CDK5RAP2: variants seen among roughly 807,000 people sequenced by gnomAD.
CDK5RAP2 encodes the protein CDK5 regulatory subunit-associated protein 2.
In CDK5RAP2, 147 loss-of-function variants were observed where a neutral mutation model predicts 232.9. The ratio of observed to expected loss-of-function variants is 0.63; its 90% CI spans 0.55 to 0.72. CDK5RAP2 has a LOEUF of 0.72. Ranked by LOEUF, CDK5RAP2 falls within the 30% of genes least tolerant of loss-of-function variation. The pLI, the probability that CDK5RAP2 is intolerant of heterozygous loss-of-function variation, is 0.00. For missense variants in CDK5RAP2, 2,195 were observed against 2,231.5 expected (o/e 0.98, Z 0.33); for synonymous variants, 833 against 833.7 (o/e 1.00, Z 0.01).
intron 25 of CDK5RAP2, among the ~76,000 whole-genome samples, chr9:120,431,128 G>C (rs1364364224): frequency 6.6e-6 from 1 of 152,094 alleles, no homozygotes; most frequent in African/African-American, 2.4e-5. Context: ...GAGGGGAAGG[G>C]GGAGGGATAG....
intron 5 of CDK5RAP2, among the ~76,000 whole-genome samples, chr9:120,539,761 T>C (rs543689153): frequency 6.6e-6 from 1 of 152,286 alleles, no homozygotes; most frequent in Admixed American, 6.5e-5. Context: ...GAGAATTGAT[T>C]TGTAGAAAGG....
intron 3 of CDK5RAP2, among the ~76,000 whole-genome samples, chr9:120,555,418 G>A (rs577435440): frequency 6.1e-4 from 93 of 152,020 alleles, no homozygotes; most frequent in Admixed American, 1.9e-3. Flanking sequence ...GATTACAGGC[G>A]TGAGCCACCC....
chr9:120,428,634 G>T (rs1454510430), intron 25 of CDK5RAP2, among the ~76,000 whole-genome samples: 1 of 152,094 alleles, frequency 6.6e-6, no homozygotes, highest in Non-Finnish European at 1.5e-5. Context: ...CAACCAAAAA[G>T]AGTCCAGGAC....
intron 36 of CDK5RAP2, among the ~76,000 whole-genome samples, chr9:120,393,258 G>A (rs2032158407): frequency 6.6e-6 from 1 of 152,092 alleles, no homozygotes; most frequent in African/African-American, 2.4e-5. Context: ...TTAAGCCCAC[G>A]ACCCTCACTG....
intron 18 of CDK5RAP2, among the ~76,000 whole-genome samples, chr9:120,465,320 C>T (rs894182991): frequency 6.6e-6 from 1 of 152,142 alleles, no homozygotes; most frequent in African/African-American, 2.4e-5. Flanking sequence ...CAACCTAATT[C>T]TCCTATAATG....
chr9:120,513,615 A>G (rs1016883855), intron 12 of CDK5RAP2, among the ~76,000 whole-genome samples: 1 of 152,212 alleles, frequency 6.6e-6, no homozygotes, highest in African/African-American at 2.4e-5. Context: ...TTCAAAAGTT[A>G]CTTTCCCCAG....
Position 120,400,873 on chromosome 9 carries a change from C to T in CDK5RAP2, c.5320G>A (p.Ala1774Thr). 2 of 1,614,096 alleles carry T rather than the reference C, an allele frequency of 1.2e-6. No homozygotes were observed. Among genetic ancestry groups the T allele is most frequent in the Non-Finnish European group, 8.5e-7 (1 of 1,180,018 alleles). Residue 1774 changes from alanine to threonine, a missense_variant, in exon 35 of 38, where the codon GCA (alanine) becomes ACA (threonine). Physicochemically the swap from Ala to Thr is moderately conservative, Grantham distance 58 (BLOSUM62 0). Coordinates refer to ENST00000349780, the MANE Select transcript of CDK5RAP2 (RefSeq NM_018249.6). ...CTGCTCACAAACTTGCTCAGTGGTGCTGGGTGTGGACCCTACACGGGGGAT... is the reference window on the plus strand; with the variant it reads ...CTGCTCACAAACTTGCTCAGTGGTGTTGGGTGTGGACCCTACACGGGGGAT... ...QELGTKGPHPAPLSKFVSSVS... is the reference protein window; with the variant it reads ...QELGTKGPHPTPLSKFVSSVS...
chr9:120,541,392 T>C (rs1212149864), intron 5 of CDK5RAP2, among the ~76,000 whole-genome samples: 2 of 152,238 alleles, frequency 1.3e-5, no homozygotes, highest in Non-Finnish European at 2.9e-5. Context: ...CAGTAAAATA[T>C]ACTCCCAATA....
At chr9:120,452,591 G>T (rs752551617) in intron 21 of CDK5RAP2, among the ~76,000 whole-genome samples, 1 of 151,546 alleles carries the variant, frequency 6.6e-6, no homozygotes, top group Non-Finnish European at 1.5e-5. Context: ...CTTGGCCGTG[G>T]GGGGGTCAAG....
intron 9 of CDK5RAP2, 26 bp from the exon 10 acceptor site, chr9:120,527,951 C>T (rs200640872): frequency 4.0e-5 from 65 of 1,613,064 alleles, no homozygotes; most frequent in Non-Finnish European, 5.4e-5. Flanking sequence ...AAAAGATTCA[C>T]TAAGTTGATG....
chr9:120,422,201 T>C (rs1191122851), intron 26 of CDK5RAP2, among the ~76,000 whole-genome samples: 2 of 152,188 alleles, frequency 1.3e-5, no homozygotes, highest in African/African-American at 4.8e-5. Flanking sequence ...TTCATTTACA[T>C]TTGAATGGAC....
Position 120,539,096 on chromosome 9 carries a change from T to C in CDK5RAP2, c.452A>G (p.Lys151Arg). The stretch of plus-strand genomic sequence containing the variant: ...GAGATCTTCCACCTGCTGCACCTTC[T>C]TTCGAGCATCTTCTTTCACCCGCTG... The part of the protein sequence containing the change: ...EIQRVKEDAR[K>R]KVQQVEDLLT... The change falls in exon 6 of 38, where the codon AAG becomes AGG. Residue 151 changes from lysine (K) to arginine (R), a missense_variant. Physicochemically the swap from Lys to Arg is conservative, Grantham distance 26 (BLOSUM62 2). Coordinates refer to ENST00000349780, the MANE Select transcript of CDK5RAP2 (RefSeq NM_018249.6). 1 of 1,614,026 alleles carries C rather than the reference T, an allele frequency of 6.2e-7. No homozygotes were observed. Among genetic ancestry groups the C allele is most frequent in the Non-Finnish European group, 8.5e-7 (1 of 1,179,886 alleles).
intron 28 of CDK5RAP2, among the ~76,000 whole-genome samples, chr9:120,413,359 C>T (rs2033967704): frequency 6.6e-6 from 1 of 152,192 alleles, no homozygotes; most frequent in African/African-American, 2.4e-5. Flanking sequence ...TAACAATATT[C>T]CACCTCGATA....
intron 12 of CDK5RAP2, among the ~76,000 whole-genome samples, chr9:120,501,046 C>A (rs2039551207): frequency 6.6e-6 from 1 of 152,204 alleles, no homozygotes. Flanking sequence ...TTGTTCCAGG[C>A]AAGGTGCTAG....
chr9:120,413,827 GGGA>G (rs149966445), intron 28 of CDK5RAP2, among the ~76,000 whole-genome samples: 25,329 of 145,922 alleles, frequency 0.17, 2,482 homozygotes, highest in East Asian at 0.32. Context: ...GGAGGGAGGA[GGGA>G]GGAGGGAGGA....
At chr9:120,529,829 G>C in intron 8 of CDK5RAP2, 149 bp downstream of exon 8, 1 of 768,852 alleles carries the variant, frequency 1.3e-6, no homozygotes, top group Non-Finnish European at 2.3e-6. Flanking sequence ...CCCTGACAAA[G>C]GCAGTTTCTG....
At chr9:120,578,547 A>T (rs1297601992) in intron 1 of CDK5RAP2, among the ~76,000 whole-genome samples, 1 of 146,008 alleles carries the variant, frequency 6.8e-6, no homozygotes, top group African/African-American at 2.5e-5. Context: ...CCCGGGCATA[A>T]ATATTAATTA....
rs1240062200 is a variant in CDK5RAP2, at chr9:120,406,034, ATAT to A, written c.4963+975_4963+977del. The A allele has an allele frequency of 3.3e-5, 5 of 152,354 alleles. No individual in the cohort carries two copies. In the East Asian group the frequency reaches 9.6e-4, roughly 29 times the overall value. 9.4% of individuals were successfully genotyped at this position (152,354 alleles called of 1,614,324 possible). A position where few individuals can be genotyped will look rare whatever the true frequency, so the allele number is the denominator to read the frequency against. ...CTTTTTTTCTCTGTTCACTTTTTTC[ATAT>A]TATTACATCATCTTTTTGATTAAAT... On this transcript the variant is annotated intron_variant, in intron 32 of 37. Transcript: ENST00000349780.
At chr9:120,415,258 G>A in intron 27 of CDK5RAP2, 99 bp from the exon 28 acceptor site, 3 of 1,364,272 alleles carry the variant, frequency 2.2e-6, no homozygotes, top group Non-Finnish European at 3.1e-6. Flanking sequence ...AACAGTATTG[G>A]ATGTGTTAAG....
Sources: allele counts gnomAD v4.1 joint callset (sites outside exome capture counted in the v4.1 genomes callset), GRCh38; gene constraint gnomAD v4.1.1; transcripts MANE v1.5; gene names NCBI Gene and HGNC (gene_info 2026-07-23, HGNC 2026-07-21).